The following SECISBP2L variants were observed in gnomAD, a reference collection of about 807,000 sequenced individuals.
The protein encoded by SECISBP2L is selenocysteine insertion sequence-binding protein 2-like.
A neutral mutation model predicts 114.7 loss-of-function variants in SECISBP2L; 43 were observed. The observed-to-expected ratio is 0.38, with a 90% CI of 0.29 to 0.48. The LOEUF (loss-of-function observed/expected upper bound fraction) is 0.48, where lower values mean the gene tolerates loss of function less well. Among genes scored for constraint, SECISBP2L ranks in the 20% least tolerant of loss-of-function variants. SECISBP2L has a pLI of 0.98. For missense variants in SECISBP2L, 1,136 were observed against 1,301.1 expected (o/e 0.87, Z 1.95); for synonymous variants, 451 against 439.7 (o/e 1.03, Z -0.32).
rs766981642 is a variant in SECISBP2L, at chr15:48,996,419, A to C, written c.2571T>G (p.Ser857=). ...SRNPSAASAI[S]FCSVISEPIS... ...TCGGTTCAGAAATAACACTGCAGAA[A>C]GAAATGGCACTTGCTGCAGAGGGAT... The change falls in exon 17 of 18, where the codon TCT becomes TCG. Residue 857 remains serine, a synonymous_variant. Coordinates refer to ENST00000559471, the MANE Select transcript of SECISBP2L (RefSeq NM_001193489.2). The C allele has an allele frequency of 6.2e-7, 1 of 1,614,152 alleles. No individual in the cohort carries two copies. The highest frequency in any genetic ancestry group is 8.5e-7 in the Non-Finnish European group (1 of 1,180,004).
intron 16 of SECISBP2L, 53 bp from the exon 17 acceptor site, chr15:48,996,639 C>A: frequency 2.7e-6 from 4 of 1,464,922 alleles, no homozygotes; most frequent in Non-Finnish European, 3.8e-6. Flanking sequence ...ACTTTTTATT[C>A]CTATTATGGA....
intron 4 of SECISBP2L, among the ~76,000 whole-genome samples, chr15:49,032,120 G>A (rs563452952): frequency 1.3e-5 from 2 of 152,260 alleles, no homozygotes; most frequent in Admixed American, 6.5e-5. Context: ...AAAAGAAAGG[G>A]TATAATCTAA....
chr15:48,992,509 T>A lies in SECISBP2L; in HGVS notation c.3041A>T (p.Asn1014Ile), dbSNP rs1376698002. The A allele has an allele frequency of 6.8e-6, 11 of 1,614,218 alleles. No homozygotes were observed. Among genetic ancestry groups the A allele is most frequent in the Non-Finnish European group, 8.5e-6 (10 of 1,180,040 alleles). The change falls in exon 18 of 18, where the codon AAT becomes ATT. Residue 1014 changes from asparagine (N) to isoleucine (I), a missense_variant. Around this residue, in one of 2 missense-constraint regions of SECISBP2L, gnomAD observed 684 missense variants for 848.7 expected, o/e 0.81. Coordinates refer to ENST00000559471, the MANE Select transcript of SECISBP2L (RefSeq NM_001193489.2). ...HEPISVEVQL[N>I]SRIESWVSET... ...TGAGACCCAAGACTCAATTCTACTA[T>A]TGAGCTGCACTTCTACAGATATGGG... is the stretch of plus-strand genomic sequence containing the variant.
rs561001696 is a variant in SECISBP2L, at chr15:49,020,418, C to T, written c.1036-866G>A. Among the ~76,000 whole-genome samples the T allele has an allele frequency of 1.3e-4, 20 of 152,052 alleles. No homozygotes were observed. The South Asian group carries it at 4.2e-3, about 32-fold the overall frequency. Reference sequence around the variant, plus strand: ...TAGAGACAGGGGTCTCGCTATGTTGCCCAGGCTGGTCTCAAACTGCTGACT... The same window carrying T: ...TAGAGACAGGGGTCTCGCTATGTTGTCCAGGCTGGTCTCAAACTGCTGACT... On this transcript the variant is annotated intron_variant, in intron 7 of 17. Coordinates refer to ENST00000559471, the MANE Select transcript of SECISBP2L (RefSeq NM_001193489.2).
intron 1 of SECISBP2L, among the ~76,000 whole-genome samples, chr15:49,041,942 C>T (rs993317483): frequency 1.3e-5 from 2 of 152,130 alleles, no homozygotes; most frequent in Non-Finnish European, 2.9e-5. Flanking sequence ...AGTACTTACA[C>T]GTGTAAGTTT....
Position 48,992,201 on chromosome 15 carries a change from C to A in SECISBP2L, c.*43G>T. 3 of 1,540,726 alleles carry A rather than the reference C, an allele frequency of 1.9e-6. No homozygotes were observed. Among genetic ancestry groups the A allele is most frequent in the Middle Eastern group, 3.5e-4 (2 of 5,704 alleles). ...GATGAAGCATAAAAGGTAATGGCTG[C>A]AACCCTTCCACAGCTGGAGATAGAG... On this transcript the variant is annotated 3_prime_UTR_variant, in exon 18 of 18. Coordinates refer to ENST00000559471, the MANE Select transcript of SECISBP2L (RefSeq NM_001193489.2).
chr15:49,025,747 G>A (rs1245099298), intron 7 of SECISBP2L, among the ~76,000 whole-genome samples: 1 of 152,098 alleles, frequency 6.6e-6, no homozygotes, highest in Admixed American at 6.6e-5. Context: ...TGCTGGTGAG[G>A]ATGCAGAGAA....
intron 1 of SECISBP2L, among the ~76,000 whole-genome samples, chr15:49,044,507 A>T (rs1903203348): frequency 6.6e-6 from 1 of 152,182 alleles, no homozygotes; most frequent in Non-Finnish European, 1.5e-5. Flanking sequence ...AAATGAGGTG[A>T]AGACATCACT....
chr15:48,992,193 A>T lies in SECISBP2L; in HGVS notation c.*51T>A, dbSNP rs1283716678. ...AATGTTGAGATGAAGCATAAAAGGT[A>T]ATGGCTGCAACCCTTCCACAGCTGG... On this transcript the variant is annotated 3_prime_UTR_variant, in exon 18 of 18. Coordinates refer to ENST00000559471, the MANE Select transcript of SECISBP2L (RefSeq NM_001193489.2). 1.3e-6 allele frequency: 2 copies of T among 1,508,882 alleles called. No homozygotes were observed. Among genetic ancestry groups the T allele is most frequent in the African/African-American group, 1.4e-5 (1 of 71,426 alleles). 93.5% of individuals were successfully genotyped at this position (1,508,882 alleles called of 1,614,324 possible). A position where few individuals can be genotyped will look rare whatever the true frequency, so the allele number is the denominator to read the frequency against.
intron 7 of SECISBP2L, among the ~76,000 whole-genome samples, chr15:49,021,754 C>G (rs1354869429): frequency 6.6e-6 from 1 of 152,088 alleles, no homozygotes; most frequent in Non-Finnish European, 1.5e-5. Context: ...CATAAAGCAC[C>G]AGGATTAAAT....
At chr15:49,024,504 A>G (rs1902702864) in intron 7 of SECISBP2L, among the ~76,000 whole-genome samples, 1 of 151,756 alleles carries the variant, frequency 6.6e-6, no homozygotes, top group Non-Finnish European at 1.5e-5. Context: ...CTCAAAAAAA[A>G]AAAAAAAAAA....
At chr15:49,000,590 G>A (rs373241705) in intron 15 of SECISBP2L, among the ~76,000 whole-genome samples, 1 of 152,188 alleles carries the variant, frequency 6.6e-6, no homozygotes, top group East Asian at 1.9e-4. Flanking sequence ...TATATTTGCC[G>A]AAGAAATGCA....
chr15:48,997,370 T>C (rs956102228), intron 16 of SECISBP2L, among the ~76,000 whole-genome samples: 1 of 152,132 alleles, frequency 6.6e-6, no homozygotes, highest in African/African-American at 2.4e-5. Context: ...AAGTTGGTGA[T>C]AATATGGAGA....
At chr15:49,008,086 A>G (rs1462040712) in intron 14 of SECISBP2L, among the ~76,000 whole-genome samples, 3 of 152,188 alleles carry the variant, frequency 2.0e-5, no homozygotes, top group Non-Finnish European at 4.4e-5. Context: ...TACTCTTTCC[A>G]TCTTTTCTAG....
At position 49,009,024 on chromosome 15, in the gene SECISBP2L, C is replaced by T. The variant is rs182311910; in HGVS notation, c.2027+192G>A. Among the ~76,000 whole-genome samples, 9 of 152,272 alleles carry T rather than the reference C, an allele frequency of 5.9e-5. No homozygotes were observed. In the East Asian group the frequency reaches 1.5e-3, roughly 26 times the overall value. On this transcript the variant is annotated intron_variant, in intron 14 of 17. Transcript: ENST00000559471. ...TATACTTACTGTCAGATCACTCTCA[C>T]GTGAATACTAACAGCTGACAGAAGG...
chr15:49,014,320 G>A (rs915150903), intron 11 of SECISBP2L, among the ~76,000 whole-genome samples: 1 of 151,914 alleles, frequency 6.6e-6, no homozygotes, highest in Non-Finnish European at 1.5e-5. Flanking sequence ...TTAAATGTGA[G>A]CATTCCACAA....
At chr15:49,007,680 G>A (rs1308403965) in intron 14 of SECISBP2L, among the ~76,000 whole-genome samples, 2 of 152,160 alleles carry the variant, frequency 1.3e-5, no homozygotes, top group African/African-American at 2.4e-5. Context: ...AATGATTTTG[G>A]TAAAGAGTTA....
intron 7 of SECISBP2L, among the ~76,000 whole-genome samples, chr15:49,020,798 G>A (rs201329202): frequency 2.4e-3 from 368 of 152,180 alleles, no homozygotes; most frequent in Non-Finnish European, 4.1e-3. Flanking sequence ...ATGATTCACC[G>A]TGCCCAGCTA....
At chr15:49,021,343 C>T (rs567547120) in intron 7 of SECISBP2L, among the ~76,000 whole-genome samples, 2 of 152,022 alleles carry the variant, frequency 1.3e-5, no homozygotes, top group Admixed American at 6.6e-5. Context: ...ATCCCATTAA[C>T]GAATATGCAA....
Sources: gnomAD v4.1 joint callset for allele counts (sites outside exome capture counted in the v4.1 genomes callset) on GRCh38, gnomAD v4.1.1 for gene constraint, gnomAD v4.1.1 regional missense constraint, MANE v1.5 for transcripts, NCBI Gene and HGNC (gene_info 2026-07-23, HGNC 2026-07-21) for gene names.